Variants in CERS1 observed in about 807,000 individuals in gnomAD.
CERS1 encodes ceramide synthase 1, also known as Embryonic growth/differentiation factor 1.
In CERS1, 16 loss-of-function variants were observed where a neutral mutation model predicts 35.7. That is an observed-to-expected ratio of 0.45 (90% CI 0.30 to 0.68). The LOEUF (loss-of-function observed/expected upper bound fraction) is 0.68. CERS1 is among the 30% of genes least tolerant of loss of function. The pLI is 0.08. For missense variants in CERS1, 454 were observed against 453.9 expected, an observed-to-expected ratio of 1.00 and a Z score of 0.00; for synonymous variants, 243 against 201.6, an observed-to-expected ratio of 1.21 and a Z score of -1.74.
At chr19:18,889,515 C>A (rs2056442723) in intron 2 of CERS1, among the ~76,000 whole-genome samples, 1 of 152,200 alleles carries the variant, frequency 6.6e-6, no homozygotes, top group African/African-American at 2.4e-5. Flanking sequence ...CTCCCGGGCT[C>A]AAGCCTCAGC....
In CERS1 at chr19:18,880,417, G is replaced by A; in HGVS notation, c.609C>T (p.Ile203=). Residue 203 remains isoleucine (I), a synonymous_variant, in exon 4 of 8, where the codon ATC becomes ATT. Transcript: ENST00000623882. The part of the protein sequence containing the change: ...SYAFRYHNVG[I]LVLFLHDISD... ...TGATATCGTGCAGGAAGAGCACAAGGATGCCCACATTGTGGTACCTGGGGG... is the reference window on the plus strand; with the variant it reads ...TGATATCGTGCAGGAAGAGCACAAGAATGCCCACATTGTGGTACCTGGGGG... The A allele has an allele frequency of 1.3e-6, 2 of 1,589,274 alleles. No individual in the cohort carries two copies. The highest frequency in any genetic ancestry group is 1.7e-6 in the Non-Finnish European group (2 of 1,167,046).
At chr19:18,883,543 G>C (rs558212044) in intron 3 of CERS1, among the ~76,000 whole-genome samples, 1 of 149,402 alleles carries the variant, frequency 6.7e-6, no homozygotes, top group African/African-American at 2.4e-5. Flanking sequence ...AAAAAAAAAA[G>C]AGAGAGAGAA....
At chr19:18,882,754 A>T (rs988775208) in intron 3 of CERS1, among the ~76,000 whole-genome samples, 1 of 151,572 alleles carries the variant, frequency 6.6e-6, no homozygotes, top group African/African-American at 2.4e-5. Flanking sequence ...GTGCAGTGGC[A>T]TGATCTCGGC....
chr19:18,886,060 C>T (rs1568303100), intron 2 of CERS1, among the ~76,000 whole-genome samples: 2 of 152,182 alleles, frequency 1.3e-5, no homozygotes, highest in African/African-American at 4.8e-5. Context: ...ACCACGTCCA[C>T]CTCCTCCTCT....
chr19:18,888,204 C>T (rs970618161), intron 2 of CERS1, among the ~76,000 whole-genome samples: 1 of 151,650 alleles, frequency 6.6e-6, no homozygotes, highest in Non-Finnish European at 1.5e-5. Flanking sequence ...TACTAAAATA[C>T]TAAAATTAGC....
rs769175471 is a variant in CERS1, at chr19:18,868,583, C to T, written c.*1402G>A. On this transcript the variant is annotated 3_prime_UTR_variant, in exon 8 of 8. Transcript: ENST00000623882. ...GGCATTTATTGTTGGGCCCGCGTCC[C>T]TGCCCGCCCCGGGTTAGCGGCAGCC... 3 of 1,544,594 alleles carry T rather than the reference C, an allele frequency of 1.9e-6. No individual in the cohort carries two copies. Among genetic ancestry groups the T allele is most frequent in the Non-Finnish European group, 8.8e-7 (1 of 1,141,000 alleles).
At position 18,878,896 on chromosome 19, in the gene CERS1, AG is replaced by A; in HGVS notation, c.1010+33del. ...ACGCTTGGACGGGTGACACTAAAGGAGGGAACGCGGGGTGCGGGCCCCTCCA... is the reference window on the plus strand; with the variant it reads ...ACGCTTGGACGGGTGACACTAAAGGAGGAACGCGGGGTGCGGGCCCCTCCA... On this transcript the variant is annotated intron_variant, in intron 6 of 7. Transcript: ENST00000623882. The surrounding 1 kb of genome is among the most constrained non-coding windows in gnomAD (Gnocchi z 4.6). 1 of 1,609,070 alleles carries A rather than the reference AG, an allele frequency of 6.2e-7. No homozygotes were observed. Among genetic ancestry groups the A allele is most frequent in the South Asian group, 1.1e-5 (1 of 90,452 alleles).
chr19:18,886,747 C>T (rs2056371022), intron 2 of CERS1, among the ~76,000 whole-genome samples: 1 of 152,132 alleles, frequency 6.6e-6, no homozygotes, highest in African/African-American at 2.4e-5. Flanking sequence ...GCCCTGCAGC[C>T]CAGCTGCCTC....
chr19:18,878,642 C>A lies in CERS1; in HGVS notation c.1010+288G>T. On this transcript the variant is annotated intron_variant, in intron 6 of 7. Coordinates refer to ENST00000623882, the MANE Select transcript of CERS1 (RefSeq NM_021267.5). The surrounding 1 kb of genome is among the most constrained non-coding windows in gnomAD (Gnocchi z 4.6). ...ACAGGGCCCTGGCTCGCCACTCCCGCCACACCAGCCACTAGGCCTGGCCCT... is the reference window on the plus strand; with the variant it reads ...ACAGGGCCCTGGCTCGCCACTCCCGACACACCAGCCACTAGGCCTGGCCCT... The A allele has an allele frequency of 3.2e-6, 4 of 1,236,876 alleles. No individual in the cohort carries two copies. The highest frequency in any genetic ancestry group is 4.1e-6 in the Non-Finnish European group (4 of 978,890). 76.6% of individuals were successfully genotyped at this position (1,236,876 alleles called of 1,614,324 possible). A position where few individuals can be genotyped will look rare whatever the true frequency, so the allele number is the denominator to read the frequency against.
chr19:18,893,532 T>C lies in CERS1; in HGVS notation c.293A>G (p.Lys98Arg), dbSNP rs770877225. The change falls in exon 2 of 8, where the codon AAG (lysine) becomes AGG (arginine). Residue 98 changes from lysine (K) to arginine (R), a missense_variant. Lys to Arg is a conservative substitution (Grantham distance 26, BLOSUM62 2). Transcript: ENST00000623882. ...RCCLQPRDAAKMPESAWKFLF... is the reference protein window; with the variant it reads ...RCCLQPRDAARMPESAWKFLF... ...AAACTTCCAAGCGCTCTCGGGCATCTTGGCGGCATCTCTGGGCTGGAGGCA... is the reference window on the plus strand; with the variant it reads ...AAACTTCCAAGCGCTCTCGGGCATCCTGGCGGCATCTCTGGGCTGGAGGCA... The C allele has an allele frequency of 1.2e-4, 188 of 1,610,866 alleles. No individual in the cohort carries two copies. The highest frequency in any genetic ancestry group is 1.5e-4 in the Non-Finnish European group (179 of 1,178,936).
intron 6 of CERS1, among the ~76,000 whole-genome samples, chr19:18,872,316 G>C (rs762343087): frequency 3.9e-5 from 6 of 152,258 alleles, no homozygotes; most frequent in Non-Finnish European, 8.8e-5. Flanking sequence ...ACCCACCTTG[G>C]GGGAGATAGC....
In CERS1 at chr19:18,868,672, G is replaced by A. The variant is rs1376520680; in HGVS notation, c.*1313C>T. 6.4e-7 allele frequency: 1 copy of A among 1,573,670 alleles called. No homozygotes were observed. The highest frequency in any genetic ancestry group is 1.2e-5 in the South Asian group (1 of 85,920). ...CCACGTTGTCGCTGTTGTCAAAGAA[G>A]AGCACGGAGATGGGCGACAGGCGCG... On this transcript the variant is annotated 3_prime_UTR_variant, in exon 8 of 8. Coordinates refer to ENST00000623882, the MANE Select transcript of CERS1 (RefSeq NM_021267.5).
chr19:18,890,776 G>A (rs995641171), intron 2 of CERS1, among the ~76,000 whole-genome samples: 16 of 122,022 alleles, frequency 1.3e-4, no homozygotes, highest in East Asian at 6.8e-4. Context: ...GTAAGACCGC[G>A]TCTGGGGAAA....
At chr19:18,889,728 C>A (rs1035873721) in intron 2 of CERS1, among the ~76,000 whole-genome samples, 1 of 152,108 alleles carries the variant, frequency 6.6e-6, no homozygotes, top group Admixed American at 6.5e-5. Context: ...CCGCACCTGG[C>A]CTGTCCCACC....
chr19:18,880,565 C>T lies in CERS1; in HGVS notation c.591-130G>A, dbSNP rs1421624090. On this transcript the variant is annotated intron_variant, in intron 3 of 7. Coordinates refer to ENST00000623882, the MANE Select transcript of CERS1 (RefSeq NM_021267.5). ...GTGGGCCTCTTCAAAGCCACCCTTC[C>T]TGCCTCGCCTGCCCTGCCCATCTCC... 4 of 818,522 alleles carry T rather than the reference C, an allele frequency of 4.9e-6. No homozygotes were observed. The African/African-American group carries it at 5.2e-5, about 11-fold the overall frequency. The allele number at this position is 818,522 out of a possible 1,614,324, so 50.7% of individuals were successfully genotyped here.
intron 5 of CERS1, 71 bp from the exon 6 acceptor site, chr19:18,879,110 C>G (rs534280834): frequency 6.3e-7 from 1 of 1,588,454 alleles, no homozygotes; most frequent in African/African-American, 1.3e-5. Flanking sequence ...CAGCCATGTG[C>G]TCCTGTCCCG....
At chr19:18,875,000 T>A (rs1160072453) in intron 6 of CERS1, among the ~76,000 whole-genome samples, 1 of 152,086 alleles carries the variant, frequency 6.6e-6, no homozygotes, top group Non-Finnish European at 1.5e-5. Context: ...TTTGGGAGGC[T>A]GAGGTGGGAG....
chr19:18,878,299 C>T lies in CERS1; in HGVS notation c.1010+631G>A, dbSNP rs572083411. The T allele has an allele frequency of 2.0e-6, 2 of 985,928 alleles. No individual in the cohort carries two copies. The highest frequency in any genetic ancestry group is 1.7e-5 in the African/African-American group (1 of 57,204). 61.1% of individuals were successfully genotyped at this position (985,928 alleles called of 1,614,324 possible). Reference sequence around the variant, plus strand: ...CCGTTCATCCCTGGCCCAGACACCCCCTGCCTGCCCCAGGCCTGGGGCTTC... The same window carrying T: ...CCGTTCATCCCTGGCCCAGACACCCTCTGCCTGCCCCAGGCCTGGGGCTTC... On this transcript the variant is annotated intron_variant, in intron 6 of 7. Transcript: ENST00000623882. The surrounding 1 kb of genome is among the most constrained non-coding windows in gnomAD (Gnocchi z 4.6).
intron 2 of CERS1, among the ~76,000 whole-genome samples, chr19:18,891,822 C>T (rs1304165894): frequency 6.6e-6 from 1 of 151,994 alleles, no homozygotes; most frequent in African/African-American, 2.4e-5. Context: ...CCTCCCACCT[C>T]CGCCTCCCAA....
Sources: gnomAD v4.1 joint callset for allele counts (sites outside exome capture counted in the v4.1 genomes callset) on GRCh38, gnomAD v4.1.1 for gene constraint, Gnocchi (gnomAD v3.1) non-coding constraint, MANE v1.5 for transcripts, NCBI Gene and HGNC (gene_info 2026-07-23, HGNC 2026-07-21) for gene names.